The following CNTRL variants were observed in gnomAD, a reference collection of about 807,000 sequenced individuals.
CNTRL encodes 110 kDa centrosomal protein.
A neutral mutation model predicts 303.7 loss-of-function variants in CNTRL; 233 were observed. The observed-to-expected ratio is 0.77, with a 90% confidence interval of 0.69 to 0.86. CNTRL has a LOEUF of 0.86. Among genes scored for constraint, CNTRL ranks in the 40% least tolerant of loss-of-function variants. CNTRL has a pLI of 0.00. For synonymous variants in CNTRL, 900 were observed against 922.2 expected (o/e 0.98, Z 0.44); for missense variants, 2,524 against 2,650.6 (o/e 0.95, Z 1.05).
intron 14 of CNTRL, among the ~76,000 whole-genome samples, chr9:121,130,677 T>C (rs1305745150): frequency 2.0e-5 from 3 of 152,224 alleles, no homozygotes; most frequent in Admixed American, 2.0e-4. Flanking sequence ...CTGCTAGCTT[T>C]TGAATGTGTT....
intron 17 of CNTRL, among the ~76,000 whole-genome samples, chr9:121,141,029 G>A (rs1016500593): frequency 1.3e-5 from 2 of 152,108 alleles, no homozygotes; most frequent in African/African-American, 4.8e-5. Flanking sequence ...TGGTATTTAA[G>A]AGTTATTGTT....
intron 3 of CNTRL, among the ~76,000 whole-genome samples, chr9:121,089,930 C>T (rs2048489926): frequency 6.6e-6 from 1 of 152,068 alleles, no homozygotes; most frequent in Admixed American, 6.5e-5. Context: ...GCTTGGCACA[C>T]ACCAAATATT....
rs190941454 is a variant in CNTRL, at chr9:121,150,516, A to C, written c.3963+33A>C. 1.9e-4 allele frequency: 297 copies of C among 1,593,548 alleles called. 1 individual carries two copies. The African/African-American group carries it at 3.7e-3, about 20-fold the overall frequency. On this transcript the variant is annotated intron_variant, in intron 25 of 43. Transcript: ENST00000373855. ...GAAAGACATACAACTCTCTTTCCAC[A>C]CTGCTTCCATGGGTGACTGATAAGG...
In CNTRL at chr9:121,169,810, C is replaced by G. The variant is rs1564304267; in HGVS notation, c.6270C>G (p.Asn2090Lys). 1.2e-6 allele frequency: 2 copies of G among 1,613,824 alleles called. No individual in the cohort carries two copies. The highest frequency in any genetic ancestry group is 1.7e-6 in the Non-Finnish European group (2 of 1,179,866). The change falls in exon 39 of 44, where the codon AAC becomes AAG. Residue 2090 changes from asparagine (N) to lysine (K), a missense_variant. Asn to Lys is a moderately conservative substitution (Grantham distance 94). Coordinates refer to ENST00000373855, the MANE Select transcript of CNTRL (RefSeq NM_007018.6). ...LKIQRSQLEK[N>K]LLEQKQENSC... Reference sequence around the variant, plus strand: ...TCCAGCGGAGCCAGCTGGAGAAAAACCTTCTTGTGAGTACCTGCTGCCGTG... The same window carrying G: ...TCCAGCGGAGCCAGCTGGAGAAAAAGCTTCTTGTGAGTACCTGCTGCCGTG...
At chr9:121,093,099 G>A (rs1157054377) in intron 4 of CNTRL, among the ~76,000 whole-genome samples, 1 of 151,654 alleles carries the variant, frequency 6.6e-6, no homozygotes, top group Non-Finnish European at 1.5e-5. Flanking sequence ...GAGCCACCGC[G>A]CCCTGCCATA....
Position 121,145,372 on chromosome 9 carries a change from C to A in CNTRL, c.3297C>A (p.Asp1099Glu). The A allele has an allele frequency of 1.2e-6, 2 of 1,608,194 alleles. No homozygotes were observed. Among genetic ancestry groups the A allele is most frequent in the Non-Finnish European group, 1.7e-6 (2 of 1,178,530 alleles). ...TTGCAAGGCTGCAGAATGTACTAGA[C>A]CTCACTGGAAGTGGTAAAGTATTGG... ...TEIARLQNVL[D>E]LTGSDNKGGF... Residue 1099 changes from aspartate (D) to glutamate (E), a missense_variant, in exon 22 of 44, where the codon GAC (aspartate) becomes GAA (glutamate). By Grantham distance (45) the Asp-to-Glu change is conservative. Transcript: ENST00000373855.
Position 121,075,050 on chromosome 9 carries a change from C to T in CNTRL, c.-222C>T, listed in dbSNP as rs908542718. On this transcript the variant is annotated 5_prime_UTR_variant, in exon 1 of 44. Coordinates refer to ENST00000373855, the MANE Select transcript of CNTRL (RefSeq NM_007018.6). Reference sequence around the variant, plus strand: ...CTCTACCTCAGCCTGCGGGACTGCTCGGCTCGGCTTCTAGGCGGTGAGCGT... The same window carrying T: ...CTCTACCTCAGCCTGCGGGACTGCTTGGCTCGGCTTCTAGGCGGTGAGCGT... 6.9e-5 allele frequency: 30 copies of T among 431,706 alleles called. No homozygotes were observed. The highest frequency in any genetic ancestry group is 3.7e-4 in the Admixed American group (15 of 40,908). The allele number at this position is 431,706 out of a possible 1,614,324, so 26.7% of individuals were successfully genotyped here.
intron 7 of CNTRL, among the ~76,000 whole-genome samples, chr9:121,104,407 G>A (rs1160160454): frequency 6.6e-6 from 1 of 152,154 alleles, no homozygotes; most frequent in Non-Finnish European, 1.5e-5. Flanking sequence ...GATAGCATTA[G>A]GAGAAATACC....
intron 2 of CNTRL, among the ~76,000 whole-genome samples, chr9:121,083,351 C>A (rs571049288): frequency 2.0e-5 from 3 of 152,248 alleles, no homozygotes; most frequent in African/African-American, 7.2e-5. Flanking sequence ...TAACCTTATT[C>A]TATAAGCTTT....
rs778711983 is a variant in CNTRL, at chr9:121,088,550, C to T, written c.217+7C>T. 11 of 1,575,516 alleles carry T rather than the reference C, an allele frequency of 7.0e-6. No homozygotes were observed. The highest frequency in any genetic ancestry group is 9.6e-6 in the Non-Finnish European group (11 of 1,147,960). ...GACTATCAAGACCATAAAGGTATCA[C>T]TTTTTAATCTAAGAATTGGTCTGAC... On this transcript the variant is annotated splice_region_variant and intron_variant, in intron 3 of 43. Transcript: ENST00000373855.
intron 9 of CNTRL, 36 bp from the exon 10 acceptor site, chr9:121,113,466 A>ACT (rs2049841261): frequency 8.4e-7 from 1 of 1,183,926 alleles, no homozygotes; most frequent in African/African-American, 1.5e-5. Flanking sequence ...CTTGGAGATC[A>ACT]CTTATTAAAC....
intron 14 of CNTRL, among the ~76,000 whole-genome samples, chr9:121,129,316 T>C (rs534501484): frequency 3.3e-5 from 5 of 152,340 alleles, no homozygotes; most frequent in African/African-American, 9.6e-5. Context: ...TTTTATTTTG[T>C]TGAGCTGTGG....
intron 7 of CNTRL, among the ~76,000 whole-genome samples, chr9:121,101,102 T>A (rs1250941694): frequency 6.6e-6 from 1 of 152,224 alleles, no homozygotes; most frequent in Non-Finnish European, 1.5e-5. Flanking sequence ...CATACATTCT[T>A]CTCAGCACCA....
rs796896457 is a variant in CNTRL, at chr9:121,159,682, C to CA, written c.4930-446dup. 3.9e-3 allele frequency among the ~76,000 whole-genome samples: 408 copies of CA among 103,358 alleles called. 3 individuals carry two copies. The highest frequency in any genetic ancestry group is 9.5e-3 in the Middle Eastern group (2 of 210). 67.8% of individuals were successfully genotyped at this position (103,358 alleles called of 152,430 possible). ...CTGGTGACAGAGTGAGACTCAATTT[C>CA]AAAAAAAAAAAAAAAGAAAACTTCT... is the stretch of plus-strand genomic sequence containing the variant. On this transcript the variant is annotated intron_variant, in intron 31 of 43. Coordinates refer to ENST00000373855, the MANE Select transcript of CNTRL (RefSeq NM_007018.6).
intron 25 of CNTRL, among the ~76,000 whole-genome samples, chr9:121,150,904 T>C (rs932004439): frequency 2.6e-5 from 4 of 152,248 alleles, no homozygotes; most frequent in South Asian, 2.1e-4. Flanking sequence ...ACAAGTGTTA[T>C]ATTAATGTGT....
intron 2 of CNTRL, among the ~76,000 whole-genome samples, chr9:121,084,437 G>A (rs1022929287): frequency 2.0e-5 from 3 of 151,962 alleles, no homozygotes; most frequent in South Asian, 2.1e-4. Flanking sequence ...TTCAATAAAT[G>A]TTAATTATTT....
At chr9:121,132,475 G>A (rs192479268) in intron 14 of CNTRL, among the ~76,000 whole-genome samples, 2 of 152,196 alleles carry the variant, frequency 1.3e-5, no homozygotes, top group East Asian at 3.9e-4. Context: ...ATGGTTTTCA[G>A]CTCCATCAGG....
At position 121,118,217 on chromosome 9, in the gene CNTRL, T is replaced by TC. The variant is rs964360359; in HGVS notation, c.1456-126dup. The TC allele has an allele frequency of 4.6e-6, 3 of 646,896 alleles. No individual in the cohort carries two copies. In the African/African-American group the frequency reaches 5.7e-5, roughly 12 times the overall value. The allele number at this position is 646,896 out of a possible 1,614,324, so 40.1% of individuals were successfully genotyped here. A position where few individuals can be genotyped will look rare whatever the true frequency, so the allele number is the denominator to read the frequency against. On this transcript the variant is annotated intron_variant, in intron 11 of 43. Coordinates refer to ENST00000373855, the MANE Select transcript of CNTRL (RefSeq NM_007018.6). Reference sequence around the variant, plus strand: ...AATATGCATGGAGTGCTTAGATAACTCCCACATTTCACTTTTATTTTTAAA... The same window carrying TC: ...AATATGCATGGAGTGCTTAGATAACTCCCCACATTTCACTTTTATTTTTAAA...
intron 41 of CNTRL, 32 bp downstream of exon 41, chr9:121,173,541 G>A (rs370787437): frequency 2.4e-4 from 393 of 1,610,380 alleles, no homozygotes; most frequent in Non-Finnish European, 3.3e-4. Flanking sequence ...CTCTGGGTTC[G>A]TAGGATTGAC....
Sources: allele counts gnomAD v4.1 joint callset (sites outside exome capture counted in the v4.1 genomes callset), GRCh38; gene constraint gnomAD v4.1.1; transcripts MANE v1.5; gene names NCBI Gene and HGNC (gene_info 2026-07-23, HGNC 2026-07-21).